The following RAG1 variants were observed in gnomAD, a reference collection of about 807,000 sequenced individuals.
RAG1 encodes the protein recombination activating 1.
RAG1 carries 35 observed loss-of-function variants against 62.7 expected under a neutral mutation model. That is an observed-to-expected ratio of 0.56 (90% CI 0.43 to 0.74). The LOEUF (loss-of-function observed/expected upper bound fraction) is 0.74. Among genes scored for constraint, RAG1 ranks in the 30% least tolerant of loss-of-function variants. The pLI, the probability that RAG1 is intolerant of heterozygous loss-of-function variation, is 0.00. For missense variants in RAG1, 1,169 were observed against 1,278.6 expected (o/e 0.91, Z 1.31); for synonymous variants, 461 against 470.3 (o/e 0.98, Z 0.26).
chr11:36,520,494 C>T (rs780218068), intron 2 of RAG1, among the ~76,000 whole-genome samples: 36 of 152,118 alleles, frequency 2.4e-4, no homozygotes, highest in Non-Finnish European at 2.6e-4. Context: ...GCCAGCTGGT[C>T]GCAAACTCCT....
chr11:36,567,359 G>A (rs1850676214), upstream of RAG1: 1 of 152,184 alleles, frequency 6.6e-6, no homozygotes, highest in Non-Finnish European at 1.5e-5. Context: ...ATCTTAGGTT[G>A]CAGGTGATGA....
intron 2 of RAG1, among the ~76,000 whole-genome samples, chr11:36,535,581 TA>T (rs1309838924): frequency 6.6e-6 from 1 of 152,026 alleles, no homozygotes; most frequent in East Asian, 1.9e-4. Flanking sequence ...TTGTCTTTAC[TA>T]AAAATTCAAA....
chr11:36,549,745 C>T (rs1420791800), intron 3 of RAG1, among the ~76,000 whole-genome samples: 17 of 152,070 alleles, frequency 1.1e-4, no homozygotes, highest in Non-Finnish European at 2.2e-4. Context: ...ACCATTTGAC[C>T]CAGCAATCTC....
intron 3 of RAG1, among the ~76,000 whole-genome samples, chr11:36,551,359 T>C (rs1850478845): frequency 1.3e-5 from 2 of 152,040 alleles, no homozygotes. Context: ...TATCATAGAG[T>C]AGGTAGCTTA....
In RAG1 at chr11:36,578,338, A is replaced by G. The variant is rs1850882837; in HGVS notation, c.*1902A>G. 1 of 166,752 alleles carries G rather than the reference A, an allele frequency of 6.0e-6. No individual in the cohort carries two copies. The highest frequency in any genetic ancestry group is 2.4e-5 in the African/African-American group (1 of 41,434). 10.3% of individuals were successfully genotyped at this position (166,752 alleles called of 1,614,324 possible). A position where few individuals can be genotyped will look rare whatever the true frequency, so the allele number is the denominator to read the frequency against. The stretch of plus-strand genomic sequence containing the variant: ...TTTCTAATTTAGTTGTCAAAAACAT[A>G]TACATATTTTAACATTAGTTTTTTT... On this transcript the variant is annotated 3_prime_UTR_variant, in exon 2 of 2. Coordinates refer to ENST00000299440, the MANE Select transcript of RAG1 (RefSeq NM_000448.3).
chr11:36,569,757 T>G (rs981275364), intron 1 of RAG1, among the ~76,000 whole-genome samples: 1 of 152,228 alleles, frequency 6.6e-6, no homozygotes, highest in Non-Finnish European at 1.5e-5. Context: ...CAAAAGGCCC[T>G]CTTATCAATG....
chr11:36,536,601 G>A (rs1860329805), downstream of RAG1, among the ~76,000 whole-genome samples: 1 of 143,412 alleles, frequency 7.0e-6, no homozygotes, highest in Admixed American at 7.3e-5. Flanking sequence ...CATTTTGTAT[G>A]TGTAATATAC....
chr11:36,517,945 G>A (rs922602959), intron 1 of RAG1, among the ~76,000 whole-genome samples: 5 of 150,490 alleles, frequency 3.3e-5, no homozygotes, highest in Middle Eastern at 3.2e-3. Flanking sequence ...CCATTAACTC[G>A]TCATTTAGCA....
intron 2 of RAG1, among the ~76,000 whole-genome samples, chr11:36,528,463 G>A (rs1056973504): frequency 5.3e-5 from 8 of 152,078 alleles, no homozygotes; most frequent in Non-Finnish European, 1.0e-4. Context: ...AAGACACAAC[G>A]TACCAGAATC....
chr11:36,562,543 A>G (rs1317381133), intron 3 of RAG1, among the ~76,000 whole-genome samples: 1 of 152,184 alleles, frequency 6.6e-6, no homozygotes, highest in Admixed American at 6.5e-5. Context: ...CCAGTACCCC[A>G]CACCACAGCT....
intron 2 of RAG1, among the ~76,000 whole-genome samples, chr11:36,521,533 T>C (rs538489837): frequency 8.3e-4 from 127 of 152,292 alleles, no homozygotes; most frequent in African/African-American, 3.0e-3. Context: ...TTTTGTAAAT[T>C]GCTCAGTCTT....
chr11:36,531,845 T>C (rs958025389), intron 2 of RAG1, among the ~76,000 whole-genome samples: 5 of 152,060 alleles, frequency 3.3e-5, no homozygotes, highest in African/African-American at 1.2e-4. Flanking sequence ...AAATATTTTA[T>C]ACTTTATTGC....
In RAG1 at chr11:36,518,673, C is replaced by T. The variant is rs138268839; in HGVS notation, n.331-1459C>T. Among the ~76,000 whole-genome samples, 8 of 152,298 alleles carry T rather than the reference C, an allele frequency of 5.3e-5. 1 individual carries two copies. In the East Asian group the frequency reaches 1.5e-3, roughly 29 times the overall value. ...ACTGTCTGTTCATATCCTTAGCCCA[C>T]TTTTTGATGGGGTTATTTGGTTTTT... On this transcript the variant is annotated intron_variant and non_coding_transcript_variant, in intron 1 of 2. Transcript: ENST00000529126.
chr11:36,566,661 C>G (rs544484571), upstream of RAG1: 2 of 152,288 alleles, frequency 1.3e-5, no homozygotes, highest in Non-Finnish European at 2.9e-5. Context: ...TCTCACCTGC[C>G]TTTCTCGCCA....
chr11:36,572,814 A>T (rs1176854035), intron 1 of RAG1, among the ~76,000 whole-genome samples: 2 of 152,176 alleles, frequency 1.3e-5, no homozygotes, highest in African/African-American at 4.8e-5. Flanking sequence ...TAAACAACCA[A>T]CCCCCTGGAA....
Position 36,575,183 on chromosome 11 carries a change from T to A in RAG1, c.1879T>A (p.Phe627Ile). Residue 627 changes from phenylalanine to isoleucine, a missense_variant, in exon 2 of 2, where the codon TTC becomes ATC. By Grantham distance (21) the Phe-to-Ile change is conservative (BLOSUM62 0). Transcript: ENST00000299440. This position sits in a 1 kb window ranked among gnomAD's most constrained non-coding sequence, Gnocchi z 4.1. ...VVPEKAVRFS[F>I]TIMKITIAHS... ...TCCAGAAAAGGCAGTCCGTTTTTCA[T>A]TCACAATCATGAAAATTACTATTGC... 7 of 1,614,186 alleles carry A rather than the reference T, an allele frequency of 4.3e-6. No individual in the cohort carries two copies. The highest frequency in any genetic ancestry group is 5.9e-6 in the Non-Finnish European group (7 of 1,180,018).
At chr11:36,532,254 A>G (rs369820797) in intron 2 of RAG1, among the ~76,000 whole-genome samples, 2 of 152,184 alleles carry the variant, frequency 1.3e-5, no homozygotes, top group South Asian at 4.1e-4. Context: ...CTATGTGTTA[A>G]TATTTTATGT....
At chr11:36,522,277 G>T (rs1161068972) in intron 2 of RAG1, among the ~76,000 whole-genome samples, 1 of 152,212 alleles carries the variant, frequency 6.6e-6, no homozygotes. Flanking sequence ...CCTGTGCTGT[G>T]TGCTGTCTTG....
chr11:36,563,646 AT>A (rs900149573), upstream of RAG1: 2 of 152,230 alleles, frequency 1.3e-5, no homozygotes, highest in African/African-American at 4.8e-5. Context: ...ATTAAAATTT[AT>A]GAAAAATTTA....
Sources: allele counts gnomAD v4.1 joint callset (sites outside exome capture counted in the v4.1 genomes callset), GRCh38; gene constraint gnomAD v4.1.1; non-coding constraint Gnocchi (gnomAD v3.1); transcripts MANE v1.5; gene names NCBI Gene and HGNC (gene_info 2026-07-23, HGNC 2026-07-21).